PON2: variants seen among roughly 807,000 people sequenced by gnomAD.
The protein encoded by PON2 is serum paraoxonase/arylesterase 2.
In PON2, 27 loss-of-function variants were observed where a neutral mutation model predicts 36.6. The observed-to-expected ratio is 0.74, with a 90% CI of 0.54 to 1.02. The LOEUF is 1.02. Among genes scored for constraint, PON2 ranks in the 50% least tolerant of loss-of-function variants. PON2 has a pLI of 0.00. For missense variants in PON2, 363 were observed against 421.1 expected, an observed-to-expected ratio of 0.86 and a Z score of 1.21; for synonymous variants, 149 against 156.3, an observed-to-expected ratio of 0.95 and a Z score of 0.35.
intron 6 of PON2, among the ~76,000 whole-genome samples, chr7:95,408,483 T>C (rs1247042274): frequency 1.3e-5 from 2 of 152,176 alleles, no homozygotes; most frequent in African/African-American, 2.4e-5. Context: ...CTTTTCATTA[T>C]TGTTATTTTT....
At position 95,406,132 on chromosome 7, in the gene PON2, G is replaced by C; in HGVS notation, c.893C>G (p.Pro298Arg). The C allele has an allele frequency of 1.2e-6, 2 of 1,613,756 alleles. No homozygotes were observed. The highest frequency in any genetic ancestry group is 1.7e-6 in the Non-Finnish European group (2 of 1,179,716). The change falls in exon 8 of 9, where the codon CCT becomes CGT. Residue 298 changes from proline to arginine, a missense_variant. Transcript: ENST00000222572. ...AAATATAAAAACCTCTGACGAGGGA[G>C]GATTGTTCGGGTCATACACGAAGAG... ...QKLFVYDPNNPPSSEVLRIQN... is the reference protein window; with the variant it reads ...QKLFVYDPNNRPSSEVLRIQN...
Position 95,412,444 on chromosome 7 carries a change from G to T in PON2, c.235C>A (p.Pro79Thr). Residue 79 changes from proline (P) to threonine (T), a missense_variant, in exon 4 of 9, where the codon CCA becomes ACA. By Grantham distance (38) the Pro-to-Thr change is conservative. Transcript: ENST00000222572. ...ATTAGTATTCCTCCAGGCTTATCTG[G>T]TGCAAAGCTGTGGAGTCCTGGGAAT... ...LKFPGLHSFA[P>T]DKPGGILMMD... is the part of the protein sequence containing the mutation. 1 of 1,614,040 alleles carries T rather than the reference G, an allele frequency of 6.2e-7. No individual in the cohort carries two copies. The highest frequency in any genetic ancestry group is 8.5e-7 in the Non-Finnish European group (1 of 1,179,964).
chr7:95,423,712 A>C (rs1160290170), intron 2 of PON2, among the ~76,000 whole-genome samples: 1 of 152,202 alleles, frequency 6.6e-6, no homozygotes, highest in Non-Finnish European at 1.5e-5. Context: ...GTGCCGGTAC[A>C]TCAGTCCGTT....
intron 2 of PON2, among the ~76,000 whole-genome samples, chr7:95,418,829 C>T (rs992485269): frequency 6.6e-6 from 1 of 152,074 alleles, no homozygotes; most frequent in Admixed American, 6.6e-5. Context: ...TTCATCGGTT[C>T]TCTCTCTTTA....
intron 3 of PON2, 21 bp from the exon 4 acceptor site, chr7:95,412,498 T>A (rs1262010336): frequency 6.2e-7 from 1 of 1,610,542 alleles, no homozygotes; most frequent in Non-Finnish European, 8.5e-7. Context: ...CGGTGAAAAA[T>A]GTTAAATACA....
chr7:95,406,307 G>A, intron 7 of PON2, 60 bp from the exon 8 acceptor site: 1 of 1,557,096 alleles, frequency 6.4e-7, no homozygotes. Flanking sequence ...AAATAATTTA[G>A]AGGTAACCTT....
chr7:95,416,482 G>A (rs1260023720), intron 2 of PON2, 185 bp from the exon 3 acceptor site: 2 of 643,868 alleles, frequency 3.1e-6, no homozygotes, highest in Non-Finnish European at 5.4e-6. Flanking sequence ...GTGAACTTCT[G>A]ACTTTAAATG....
At chr7:95,410,200 A>G (rs1423797962) in intron 5 of PON2, 99 bp from the exon 6 acceptor site, 5 of 1,030,926 alleles carry the variant, frequency 4.9e-6, no homozygotes, top group Non-Finnish European at 7.3e-6. Flanking sequence ...TGTGCTTTAA[A>G]TTTTTGGTAA....
chr7:95,412,769 A>C, intron 3 of PON2: 2 of 430,332 alleles, frequency 4.6e-6, no homozygotes, highest in South Asian at 4.3e-5. Context: ...GAAAAGTGAC[A>C]TCTACATACT....
intron 2 of PON2, 151 bp from the exon 3 acceptor site, chr7:95,416,448 T>A (rs1418010961): frequency 2.3e-6 from 2 of 885,050 alleles, no homozygotes; most frequent in Non-Finnish European, 3.6e-6. Flanking sequence ...TTTTAATAAA[T>A]GTCAGTTTAA....
chr7:95,423,351 A>T (rs1789239454), intron 2 of PON2, among the ~76,000 whole-genome samples: 2 of 151,394 alleles, frequency 1.3e-5, no homozygotes, highest in Non-Finnish European at 2.9e-5. Flanking sequence ...ATTAAAATTT[A>T]AAAAAAAGGA....
chr7:95,412,624 C>A lies in PON2; in HGVS notation c.202-147G>T. The A allele has an allele frequency of 1.3e-6, 1 of 769,780 alleles. No individual in the cohort carries two copies. Among genetic ancestry groups the A allele is most frequent in the Admixed American group, 2.6e-5 (1 of 39,066 alleles). 47.7% of individuals were successfully genotyped at this position (769,780 alleles called of 1,614,324 possible). On this transcript the variant is annotated intron_variant, in intron 3 of 8. Coordinates refer to ENST00000222572, the MANE Select transcript of PON2 (RefSeq NM_000305.3). ...AACTCAAAAAACAGAGAAAAGATAACAGAAAAAATAATAACGGGGAGGTGG... is the reference window on the plus strand; with the variant it reads ...AACTCAAAAAACAGAGAAAAGATAAAAGAAAAAATAATAACGGGGAGGTGG...
chr7:95,416,743 A>C (rs1275708117), intron 2 of PON2, among the ~76,000 whole-genome samples: 2 of 152,224 alleles, frequency 1.3e-5, no homozygotes, highest in Non-Finnish European at 2.9e-5. Context: ...ACAGAGGTAA[A>C]ACACCTGGGA....
intron 5 of PON2, 144 bp from the exon 6 acceptor site, chr7:95,410,245 C>T (rs189186008): frequency 2.9e-6 from 2 of 700,940 alleles, no homozygotes; most frequent in East Asian, 2.7e-5. Context: ...CGACTATAGT[C>T]ATATACAATA....
intron 1 of PON2, among the ~76,000 whole-genome samples, chr7:95,428,096 C>A (rs1789357373): frequency 6.6e-6 from 1 of 152,228 alleles, no homozygotes. Context: ...ACAGCACTCT[C>A]CCTCTAACCC....
chr7:95,415,960 A>T (rs1015840743), intron 3 of PON2: 1 of 495,260 alleles, frequency 2.0e-6, no homozygotes, highest in African/African-American at 1.9e-5. Flanking sequence ...CTCAAAAAAT[A>T]AAAAAAATTA....
chr7:95,412,005 A>G (rs1417800547), intron 4 of PON2, among the ~76,000 whole-genome samples: 1 of 152,232 alleles, frequency 6.6e-6, no homozygotes, highest in African/African-American at 2.4e-5. Flanking sequence ...TACAGAATTC[A>G]TGCATAATCT....
At position 95,416,328 on chromosome 7, in the gene PON2, G is replaced by A. The variant is rs534692534; in HGVS notation, c.146-31C>T. 7.5e-6 allele frequency: 12 copies of A among 1,609,826 alleles called. No homozygotes were observed. The East Asian group carries it at 2.7e-4, about 36-fold the overall frequency. On this transcript the variant is annotated intron_variant, in intron 2 of 8. Transcript: ENST00000222572. ...AGTTTAAGGAACAGATAAATGTCATGTTCAAGTTCTGTTATTTGTTACACA... is the reference window on the plus strand; with the variant it reads ...AGTTTAAGGAACAGATAAATGTCATATTCAAGTTCTGTTATTTGTTACACA...
chr7:95,407,655 G>C (rs542793106), intron 6 of PON2, among the ~76,000 whole-genome samples: 95 of 152,162 alleles, frequency 6.2e-4, no homozygotes, highest in Non-Finnish European at 1.3e-4. Flanking sequence ...GCAATTATGT[G>C]TGAAAAGCCA....
Sources: gnomAD v4.1 joint callset for allele counts (sites outside exome capture counted in the v4.1 genomes callset) on GRCh38, gnomAD v4.1.1 for gene constraint, MANE v1.5 for transcripts, NCBI Gene and HGNC (gene_info 2026-07-23, HGNC 2026-07-21) for gene names.